SMCHD1: variants seen among roughly 807,000 people sequenced by gnomAD.
SMCHD1 encodes the protein structural maintenance of chromosomes flexible hinge domain-containing protein 1.
In SMCHD1, 78 loss-of-function variants were observed where a neutral mutation model predicts 254.7. The ratio of observed to expected loss-of-function variants is 0.31; its 90% CI spans 0.26 to 0.37. The LOEUF is 0.37. Among genes scored for constraint, SMCHD1 ranks in the 10% least tolerant of loss-of-function variants. SMCHD1 has a pLI of 1.00. For missense variants in SMCHD1, 1,840 were observed against 2,408.1 expected (o/e 0.76, Z 4.94); for synonymous variants, 766 against 794.9 (o/e 0.96, Z 0.61).
Position 2,796,021 on chromosome 18 carries a change from AG to A in SMCHD1, c.5793del (p.Glu1931AspfsTer8). ...AATAAGGATCTTAACAGTCAATTAG[AG>A]TACCTTCGCACTCCGGATATGAGGA... is the stretch of plus-strand genomic sequence containing the variant. The part of the protein sequence containing the change: ...SVNKDLNSQL[E>X]YLRTPDMRKK... On this transcript the variant is annotated frameshift_variant, in exon 46 of 48. Transcript: ENST00000320876. LOFTEE classifies it high-confidence loss of function. The A allele has an allele frequency of 6.3e-7, 1 of 1,595,756 alleles. No individual in the cohort carries two copies. Among genetic ancestry groups the A allele is most frequent in the Non-Finnish European group, 8.5e-7 (1 of 1,170,724 alleles).
At chr18:2,722,931 T>G (rs2074955716) in intron 20 of SMCHD1, among the ~76,000 whole-genome samples, 1 of 149,146 alleles carries the variant, frequency 6.7e-6, no homozygotes, top group African/African-American at 2.4e-5. Context: ...CTTTTGCAAG[T>G]ATGATATAAT....
rs1227966000 is a variant in SMCHD1, at chr18:2,769,803, C to T, written c.4829C>T (p.Pro1610Leu). The T allele has an allele frequency of 6.2e-6, 10 of 1,602,538 alleles. No homozygotes were observed. The highest frequency in any genetic ancestry group is 2.2e-5 in the East Asian group (1 of 44,686). ...AGAACCTTAGAACCATATATCCTAC[C>T]GTTCATGTTTTACAATGGTAAGTTT... ...LSRTLEPYIL[P>L]FMFYNDVKKQ... Residue 1610 changes from proline (P) to leucine (L), a missense_variant, in exon 38 of 48, where the codon CCG becomes CTG. Physicochemically the swap from Pro to Leu is moderately conservative, Grantham distance 98 (BLOSUM62 -3). Transcript: ENST00000320876.
chr18:2,793,757 C>T (rs1406192989), intron 45 of SMCHD1, among the ~76,000 whole-genome samples: 7 of 151,736 alleles, frequency 4.6e-5, no homozygotes, highest in Admixed American at 3.9e-4. Flanking sequence ...AGGGTCTTGT[C>T]GTCACTCAGT....
chr18:2,730,245 A>T (rs995319765), intron 24 of SMCHD1, among the ~76,000 whole-genome samples: 11 of 152,086 alleles, frequency 7.2e-5, no homozygotes, highest in Admixed American at 7.2e-4. Context: ...ATCTCAGCTC[A>T]CTGCAAGCTC....
At chr18:2,777,662 A>G (rs1017034031) in intron 42 of SMCHD1, 144 bp from the exon 43 acceptor site, 1 of 521,994 alleles carries the variant, frequency 1.9e-6, no homozygotes, top group Non-Finnish European at 3.4e-6. Context: ...ATAGCTGATC[A>G]TTTAGAAGTA....
At chr18:2,664,285 C>T (rs1186930229) in intron 1 of SMCHD1, among the ~76,000 whole-genome samples, 1 of 151,964 alleles carries the variant, frequency 6.6e-6, no homozygotes, top group African/African-American at 2.4e-5. Flanking sequence ...ATTGAGTTCT[C>T]TGAATGTTTA....
intron 5 of SMCHD1, among the ~76,000 whole-genome samples, chr18:2,685,341 C>T (rs973107437): frequency 6.6e-5 from 10 of 151,942 alleles, no homozygotes; most frequent in Admixed American, 3.3e-4. Context: ...CCTCGTGATC[C>T]GCCCACCTCG....
chr18:2,757,001 G>A (rs117644201), intron 34 of SMCHD1, among the ~76,000 whole-genome samples: 2,721 of 151,972 alleles, frequency 0.018, 39 homozygotes, highest in Middle Eastern at 0.1. Flanking sequence ...TATTTTATGT[G>A]TTTTATTTAA....
In SMCHD1 at chr18:2,728,503, T is replaced by TA; in HGVS notation, c.2821dup (p.Ile941AsnfsTer16). On this transcript the variant is annotated frameshift_variant, in exon 23 of 48. Transcript: ENST00000320876. LOFTEE classifies it high-confidence loss of function. ...TGAAACCTGATTCTGAAATTTTAGT[T>TA]ATAGAAAATGGAACAGCTTTCCCAT... 6.2e-7 allele frequency: 1 copy of TA among 1,613,284 alleles called. No homozygotes were observed. The highest frequency in any genetic ancestry group is 8.5e-7 in the Non-Finnish European group (1 of 1,179,550).
At chr18:2,660,250 G>T (rs879300564) in intron 1 of SMCHD1, among the ~76,000 whole-genome samples, 13 of 152,004 alleles carry the variant, frequency 8.6e-5, no homozygotes, top group African/African-American at 3.1e-4. Flanking sequence ...ACTTGAACCC[G>T]GGAGTCGGAA....
rs1272609448 is a variant in SMCHD1, at chr18:2,784,832, T to G, written c.5719+211T>G. ...AGTAGCTTTATCCTTTGTATTTTCA[T>G]TCTTATATGTAGTGCATGCCTGTGT... On this transcript the variant is annotated intron_variant, in intron 45 of 47. Coordinates refer to ENST00000320876, the MANE Select transcript of SMCHD1 (RefSeq NM_015295.3). 5.1e-6 allele frequency: 3 copies of G among 587,828 alleles called. No individual in the cohort carries two copies. The East Asian group carries it at 1.2e-4, about 23-fold the overall frequency. 36.4% of individuals were successfully genotyped at this position (587,828 alleles called of 1,614,324 possible).
At position 2,705,718 on chromosome 18, in the gene SMCHD1, C is replaced by T; in HGVS notation, c.1867C>T (p.Leu623Phe). 1 of 1,599,638 alleles carries T rather than the reference C, an allele frequency of 6.3e-7. No individual in the cohort carries two copies. The highest frequency in any genetic ancestry group is 8.6e-7 in the Non-Finnish European group (1 of 1,169,572). ...QLVKTIKTLP[L>F]FYGSIVRFFL... is the part of the protein sequence containing the mutation. ...GGTCAAGACAATCAAGACACTTCCC[C>T]TCTTTTATGGAAGCATAGTAAGATT... Residue 623 changes from leucine (L) to phenylalanine (F), a missense_variant, in exon 14 of 48, where the codon CTC becomes TTC. This residue lies in a region of SMCHD1 where 498 missense variants were observed against 743.5 expected (regional missense o/e 0.67). Transcript: ENST00000320876.
chr18:2,796,107 G>C lies in SMCHD1; in HGVS notation c.5878G>C (p.Gly1960Arg). The change falls in exon 46 of 48, where the codon GGT (glycine) becomes CGT (arginine). Residue 1960 changes from glycine to arginine, a missense_variant and splice_region_variant. Transcript: ENST00000320876. ...KNLKLIEEKL[G>R]MTPIRKCNDS... ...TCTCAAACTAATAGAGGAAAAACTAGGTAAGTCTTTGCTTTTTGTTAACTT... is the reference window on the plus strand; with the variant it reads ...TCTCAAACTAATAGAGGAAAAACTACGTAAGTCTTTGCTTTTTGTTAACTT... 6.5e-7 allele frequency: 1 copy of C among 1,539,242 alleles called. No homozygotes were observed. The highest frequency in any genetic ancestry group is 8.7e-7 in the Non-Finnish European group (1 of 1,146,252).
At chr18:2,688,825 G>C in intron 7 of SMCHD1, 78 bp downstream of exon 7, 1 of 919,368 alleles carries the variant, frequency 1.1e-6, no homozygotes, top group African/African-American at 1.6e-5. Context: ...TTGAAAGTAT[G>C]AAATTTTCAA....
intron 17 of SMCHD1, among the ~76,000 whole-genome samples, chr18:2,715,717 C>T (rs1409638616): frequency 4.0e-5 from 6 of 151,880 alleles, no homozygotes; most frequent in Non-Finnish European, 8.8e-5. Context: ...AAGAAGTGGG[C>T]ATGGTAATAT....
chr18:2,751,188 A>G, intron 32 of SMCHD1, 90 bp from the exon 33 acceptor site: 2 of 676,386 alleles, frequency 3.0e-6, no homozygotes, highest in Admixed American at 3.4e-5. Flanking sequence ...AAACATTTAA[A>G]TAAGATGTTT....
intron 1 of SMCHD1, among the ~76,000 whole-genome samples, chr18:2,665,235 A>G (rs1010418337): frequency 3.3e-5 from 5 of 150,760 alleles, no homozygotes; most frequent in Admixed American, 3.3e-4. Flanking sequence ...GGTCATTTGT[A>G]TTTTCTCCTT....
intron 5 of SMCHD1, among the ~76,000 whole-genome samples, chr18:2,681,222 G>T (rs548868367): frequency 2.0e-5 from 3 of 152,054 alleles, no homozygotes; most frequent in Non-Finnish European, 4.4e-5. Flanking sequence ...AGACCAGCCT[G>T]GCCTTCATGG....
At chr18:2,749,699 C>T (rs1427226843) in intron 30 of SMCHD1, among the ~76,000 whole-genome samples, 1 of 152,186 alleles carries the variant, frequency 6.6e-6, no homozygotes, top group African/African-American at 2.4e-5. Context: ...GTCCCCTATA[C>T]CTGCCCCAGC....
Sources: allele counts gnomAD v4.1 joint callset (sites outside exome capture counted in the v4.1 genomes callset), GRCh38; gene constraint gnomAD v4.1.1; regional missense constraint gnomAD v4.1.1; transcripts MANE v1.5; gene names NCBI Gene and HGNC (gene_info 2026-07-23, HGNC 2026-07-21).